The following CTNNA3 variants were observed in gnomAD, a reference collection of about 807,000 sequenced individuals.
The protein encoded by CTNNA3 is catenin alpha 3.
A neutral mutation model predicts 95.7 loss-of-function variants in CTNNA3; 76 were observed. The ratio of observed to expected loss-of-function variants is 0.79; its 90% CI spans 0.66 to 0.96. The LOEUF (loss-of-function observed/expected upper bound fraction) is 0.96. Among genes scored for constraint, CTNNA3 ranks in the 40% least tolerant of loss-of-function variants. CTNNA3 has a pLI of 0.00. For synonymous variants in CTNNA3, 431 were observed against 374.4 expected, an observed-to-expected ratio of 1.15 and a Z score of -1.74; for missense variants, 1,191 against 1,089.8, an observed-to-expected ratio of 1.09 and a Z score of -1.31.
chr10:67,339,006 A>AGGTTTC (rs1273240525), intron 5 of CTNNA3, among the ~76,000 whole-genome samples: 1 of 152,172 alleles, frequency 6.6e-6, no homozygotes, highest in Admixed American at 6.5e-5. Context: ...CAGCTGCCTC[A>AGGTTTC]ATAAATTATG....
At chr10:67,422,344 C>T (rs1025272914) in intron 5 of CTNNA3, among the ~76,000 whole-genome samples, 3 of 152,042 alleles carry the variant, frequency 2.0e-5, no homozygotes, top group Non-Finnish European at 2.9e-5. Flanking sequence ...GTGTCTCCAA[C>T]TTACTCTCAA....
At chr10:67,248,425 G>T (rs1475631819) in intron 5 of CTNNA3, among the ~76,000 whole-genome samples, 1 of 152,078 alleles carries the variant, frequency 6.6e-6, no homozygotes, top group Non-Finnish European at 1.5e-5. Context: ...TGTTTTGTTT[G>T]TTTGTTTTGA....
At chr10:65,934,881 A>C (rs12263591) in intron 17 of CTNNA3, among the ~76,000 whole-genome samples, 26,360 of 151,954 alleles carry the variant, frequency 0.17, 2,796 homozygotes, top group African/African-American at 0.29. Context: ...GATTTTAGGG[A>C]GCTCTGTAGC....
chr10:65,988,779 C>T lies in CTNNA3; in HGVS notation c.2178G>A (p.Lys726=). ...CTGCATAGATCACATCAGTTGTATG[C>T]TTTAGTGGTCCTTTGCCCCTGGAAA... ...TDFTRGKGPL[K]HTTDVIYAAK... is the part of the protein sequence containing the mutation. The change falls in exon 16 of 18, where the codon AAG becomes AAA. Residue 726 remains lysine (K), a synonymous_variant. Coordinates refer to ENST00000433211, the MANE Select transcript of CTNNA3 (RefSeq NM_013266.4). The T allele has an allele frequency of 1.9e-6, 3 of 1,613,314 alleles. No homozygotes were observed. Among genetic ancestry groups the T allele is most frequent in the South Asian group, 1.1e-5 (1 of 91,006 alleles).
intron 3 of CTNNA3, among the ~76,000 whole-genome samples, chr10:67,574,118 T>C (rs1177463375): frequency 6.6e-6 from 1 of 152,090 alleles, no homozygotes; most frequent in Admixed American, 6.6e-5. Flanking sequence ...TGAAAAGCAA[T>C]AATCTTTTGC....
chr10:67,587,374 C>G (rs1256628712), intron 3 of CTNNA3, among the ~76,000 whole-genome samples: 1 of 151,932 alleles, frequency 6.6e-6, no homozygotes, highest in Non-Finnish European at 1.5e-5. Context: ...TTCAGGATTC[C>G]CTTGGGAATT....
chr10:66,701,020 T>C (rs1847925660), intron 9 of CTNNA3, among the ~76,000 whole-genome samples: 1 of 152,180 alleles, frequency 6.6e-6, no homozygotes, highest in African/African-American at 2.4e-5. Flanking sequence ...ACATCCCACA[T>C]TTCAAGTGAG....
chr10:67,521,883 C>T lies in CTNNA3; in HGVS notation c.538G>A (p.Glu180Lys), dbSNP rs1320572500. ...GCTAAATAATCCAAATTTTCCAGCT[C>T]CTTCCCAAGCTTCTGGTAGGTTTTC... ...LQKTYQKLGK[E>K]LENLDYLAFK... The change falls in exon 5 of 18, where the codon GAG becomes AAG. Residue 180 changes from glutamate (E) to lysine (K), a missense_variant. Physicochemically the swap from Glu to Lys is moderately conservative, Grantham distance 56. Coordinates refer to ENST00000433211, the MANE Select transcript of CTNNA3 (RefSeq NM_013266.4). 6 of 1,612,630 alleles carry T rather than the reference C, an allele frequency of 3.7e-6. No homozygotes were observed. The highest frequency in any genetic ancestry group is 5.1e-6 in the Non-Finnish European group (6 of 1,179,068).
At chr10:67,456,570 G>A (rs1170994209) in intron 5 of CTNNA3, among the ~76,000 whole-genome samples, 4 of 152,130 alleles carry the variant, frequency 2.6e-5, no homozygotes, top group African/African-American at 9.7e-5. Flanking sequence ...TTTTGCTCAA[G>A]AGACAGGGTC....
intron 8 of CTNNA3, among the ~76,000 whole-genome samples, chr10:66,774,278 A>C (rs958433675): frequency 2.6e-5 from 4 of 152,260 alleles, no homozygotes; most frequent in Non-Finnish European, 4.4e-5. Flanking sequence ...AATAGGGATC[A>C]TTCCACGAAA....
intron 15 of CTNNA3, among the ~76,000 whole-genome samples, chr10:66,001,270 C>T (rs1267582345): frequency 6.6e-6 from 1 of 152,108 alleles, no homozygotes; most frequent in Non-Finnish European, 1.5e-5. Context: ...ACCCTTCCTC[C>T]CTCTCTCCTT....
At chr10:66,494,536 G>A (rs930829985) in intron 11 of CTNNA3, among the ~76,000 whole-genome samples, 2 of 152,126 alleles carry the variant, frequency 1.3e-5, no homozygotes, top group Non-Finnish European at 2.9e-5. Context: ...GCTTGCATTA[G>A]CAAAGAAGTA....
intron 13 of CTNNA3, among the ~76,000 whole-genome samples, chr10:66,183,960 C>A (rs2086187172): frequency 6.6e-6 from 1 of 151,964 alleles, no homozygotes; most frequent in African/African-American, 2.4e-5. Flanking sequence ...ACCTCTTTAT[C>A]AATTATATGT....
intron 17 of CTNNA3, among the ~76,000 whole-genome samples, chr10:65,949,531 T>C (rs1051804346): frequency 6.6e-6 from 1 of 151,982 alleles, no homozygotes; most frequent in Non-Finnish European, 1.5e-5. Flanking sequence ...AGAAATTTAC[T>C]CATGTGCTTT....
intron 3 of CTNNA3, among the ~76,000 whole-genome samples, chr10:67,585,934 T>A (rs1164953925): frequency 3.3e-5 from 5 of 152,156 alleles, no homozygotes; most frequent in African/African-American, 1.2e-4. Flanking sequence ...TTTGTAATAC[T>A]TCTACTTTTA....
chr10:66,486,322 A>G (rs1188671096), intron 11 of CTNNA3, among the ~76,000 whole-genome samples: 1 of 152,190 alleles, frequency 6.6e-6, no homozygotes. Context: ...CAGATATCCA[A>G]ATTACATAAT....
chr10:66,910,483 C>T (rs979406205), intron 7 of CTNNA3, among the ~76,000 whole-genome samples: 1 of 152,088 alleles, frequency 6.6e-6, no homozygotes, highest in African/African-American at 2.4e-5. Context: ...ACTCATAAGC[C>T]AGATAGCAAC....
At chr10:66,917,023 C>T (rs140704474) in intron 7 of CTNNA3, among the ~76,000 whole-genome samples, 21 of 152,214 alleles carry the variant, frequency 1.4e-4, no homozygotes, top group African/African-American at 3.9e-4. Context: ...CCTTGTTAGT[C>T]TTCTTCACAG....
At chr10:67,182,350 C>A (rs1033599603) in intron 6 of CTNNA3, among the ~76,000 whole-genome samples, 1 of 152,058 alleles carries the variant, frequency 6.6e-6, no homozygotes, top group Non-Finnish European at 1.5e-5. Flanking sequence ...GAGATATAGA[C>A]CAATGGAACA....
Sources: allele counts gnomAD v4.1 joint callset (sites outside exome capture counted in the v4.1 genomes callset), GRCh38; gene constraint gnomAD v4.1.1; transcripts MANE v1.5; gene names NCBI Gene and HGNC (gene_info 2026-07-23, HGNC 2026-07-21).